The following SEMA5A variants were observed in gnomAD, a reference collection of about 807,000 sequenced individuals.
SEMA5A encodes the protein semaphorin-5A.
Under a neutral mutation model 135.5 loss-of-function variants are expected in SEMA5A, and 55 were observed. The observed-to-expected ratio is 0.41, with a 90% CI of 0.33 to 0.51. SEMA5A has a LOEUF of 0.51. Among genes scored for constraint, SEMA5A ranks in the 20% least tolerant of loss-of-function variants. The probability of loss-of-function intolerance (pLI) is 0.37; values close to 1 mark genes in which losing one functional copy is unlikely to be tolerated. For missense variants in SEMA5A, 1,290 were observed against 1,419.9 expected, an observed-to-expected ratio of 0.91 and a Z score of 1.47; for synonymous variants, 580 against 546.5, an observed-to-expected ratio of 1.06 and a Z score of -0.85.
intron 5 of SEMA5A, among the ~76,000 whole-genome samples, chr5:9,257,610 CTA>C (rs756931728): frequency 1.3e-5 from 2 of 151,236 alleles, no homozygotes; most frequent in Non-Finnish European, 3.0e-5. Context: ...AAAAAAAAGA[CTA>C]TAATTTCTCC....
chr5:9,180,894 ATTGT>A (rs1282586737), intron 11 of SEMA5A, among the ~76,000 whole-genome samples: 1 of 152,192 alleles, frequency 6.6e-6, no homozygotes, highest in Non-Finnish European at 1.5e-5. Context: ...TACATAGAAC[ATTGT>A]TTGTCTTTTC....
intron 5 of SEMA5A, among the ~76,000 whole-genome samples, chr5:9,257,438 C>A (rs1204524215): frequency 1.4e-5 from 2 of 141,164 alleles, no homozygotes; most frequent in Admixed American, 1.5e-4. Flanking sequence ...GTATACTACC[C>A]ACATAGATCT....
Position 9,079,550 on chromosome 5 carries a change from A to G in SEMA5A, c.2074-12904T>C, listed in dbSNP as rs185373393. Among the ~76,000 whole-genome samples the G allele has an allele frequency of 1.1e-3, 166 of 152,214 alleles. 2 individuals are homozygous for G. Among genetic ancestry groups the G allele is most frequent in the Admixed American group, 0.011 (165 of 15,282 alleles). ...TTCAAAAGCAAGCAGATGACAAGAA[A>G]TAACAAAGAAAGAGCTTCTGCACAG... is the stretch of plus-strand genomic sequence containing the variant. On this transcript the variant is annotated intron_variant, in intron 16 of 22. Transcript: ENST00000382496.
intron 1 of SEMA5A, among the ~76,000 whole-genome samples, chr5:9,532,440 CTTTTTTTT>C (rs4045370): frequency 6.0e-4 from 75 of 125,150 alleles, no homozygotes; most frequent in Non-Finnish European, 9.8e-4. Context: ...TAATTTTTTT[CTTTTTTTT>C]TTTTTTTTTT....
At chr5:9,444,711 T>C (rs758859252) in intron 1 of SEMA5A, among the ~76,000 whole-genome samples, 2 of 152,270 alleles carry the variant, frequency 1.3e-5, no homozygotes, top group Non-Finnish European at 2.9e-5. Context: ...TACCCAGTAG[T>C]TGCACCACCT....
chr5:9,525,155 G>C (rs1737057824), intron 1 of SEMA5A, among the ~76,000 whole-genome samples: 1 of 152,210 alleles, frequency 6.6e-6, no homozygotes, highest in Non-Finnish European at 1.5e-5. Context: ...TGTAAATAAA[G>C]TTTCATTGGA....
chr5:9,513,063 T>TA (rs200114167), intron 1 of SEMA5A, among the ~76,000 whole-genome samples: 8,725 of 96,484 alleles, frequency 0.09, 326 homozygotes, highest in South Asian at 0.14. Context: ...CAAATATATA[T>TA]ATATAATATA....
At chr5:9,342,450 A>C (rs950205623) in intron 3 of SEMA5A, among the ~76,000 whole-genome samples, 3 of 152,230 alleles carry the variant, frequency 2.0e-5, no homozygotes, top group Non-Finnish European at 4.4e-5. Context: ...TAAGGGGCTG[A>C]GAAAGCAGGA....
At chr5:9,310,516 G>T (rs763816282) in intron 5 of SEMA5A, among the ~76,000 whole-genome samples, 1 of 151,892 alleles carries the variant, frequency 6.6e-6, no homozygotes, top group African/African-American at 2.4e-5. Flanking sequence ...GTCTCTCCTT[G>T]CCCAATAAAT....
chr5:9,338,130 C>T (rs1419445559), intron 3 of SEMA5A, among the ~76,000 whole-genome samples: 2 of 152,202 alleles, frequency 1.3e-5, no homozygotes, highest in African/African-American at 2.4e-5. Context: ...TCACATGATT[C>T]ATCAGAGGAA....
intron 8 of SEMA5A, among the ~76,000 whole-genome samples, chr5:9,216,999 T>A (rs899810768): frequency 1.3e-5 from 2 of 152,208 alleles, no homozygotes; most frequent in African/African-American, 4.8e-5. Context: ...AGTATTGATA[T>A]GCATGGATTT....
At chr5:9,322,893 A>C (rs1025045518) in intron 4 of SEMA5A, among the ~76,000 whole-genome samples, 6 of 152,168 alleles carry the variant, frequency 3.9e-5, no homozygotes, top group African/African-American at 1.4e-4. Context: ...TCATAACTTC[A>C]CTGGTCATTT....
intron 16 of SEMA5A, among the ~76,000 whole-genome samples, chr5:9,088,962 C>G (rs929059905): frequency 6.6e-6 from 1 of 152,082 alleles, no homozygotes; most frequent in African/African-American, 2.4e-5. Flanking sequence ...GGCCTCCATG[C>G]TTTTGCCAGA....
At chr5:9,431,670 C>G (rs1441829884) in intron 2 of SEMA5A, among the ~76,000 whole-genome samples, 1 of 152,132 alleles carries the variant, frequency 6.6e-6, no homozygotes, top group African/African-American at 2.4e-5. Context: ...TCCAAAGATC[C>G]AAACGTGGGG....
chr5:9,468,080 G>T (rs925027275), intron 1 of SEMA5A, among the ~76,000 whole-genome samples: 14 of 152,146 alleles, frequency 9.2e-5, no homozygotes, highest in Admixed American at 6.6e-5. Context: ...TAACTACCAA[G>T]TCCAGACTCA....
At chr5:9,410,851 A>T (rs1047482083) in intron 2 of SEMA5A, among the ~76,000 whole-genome samples, 2 of 150,550 alleles carry the variant, frequency 1.3e-5, no homozygotes, top group Admixed American at 1.3e-4. Flanking sequence ...AAACAAAAAA[A>T]AATTTTAAAG....
chr5:9,488,783 G>C (rs1734855180), intron 1 of SEMA5A, among the ~76,000 whole-genome samples: 1 of 152,116 alleles, frequency 6.6e-6, no homozygotes, highest in Admixed American at 6.6e-5. Context: ...ATTAGGTCTA[G>C]GACAAATCCA....
At chr5:9,087,685 G>C (rs1404889898) in intron 16 of SEMA5A, among the ~76,000 whole-genome samples, 1 of 151,770 alleles carries the variant, frequency 6.6e-6, no homozygotes, top group African/African-American at 2.4e-5. Context: ...ACTTATAATG[G>C]AGGTCACTTA....
chr5:9,208,422 T>C (rs986198656), intron 8 of SEMA5A, among the ~76,000 whole-genome samples: 8 of 152,008 alleles, frequency 5.3e-5, no homozygotes, highest in African/African-American at 1.7e-4. Context: ...AGTAAACTGA[T>C]AGACACAGCC....
Sources: allele counts gnomAD v4.1 joint callset (sites outside exome capture counted in the v4.1 genomes callset), GRCh38; gene constraint gnomAD v4.1.1; transcripts MANE v1.5; gene names NCBI Gene and HGNC (gene_info 2026-07-23, HGNC 2026-07-21).